Variants in PAK6 observed in about 807,000 individuals in gnomAD.
The protein encoded by PAK6 is p21 (RAC1) activated kinase 6.
In PAK6, 33 loss-of-function variants were observed where a neutral mutation model predicts 60.8. The ratio of observed to expected loss-of-function variants is 0.54; its 90% CI spans 0.41 to 0.73. The LOEUF (loss-of-function observed/expected upper bound fraction) is 0.73, where lower values mean the gene tolerates loss of function less well. Ranked by LOEUF, PAK6 falls within the 30% of genes least tolerant of loss-of-function variation. The pLI is 0.00. For synonymous variants in PAK6, 404 were observed against 378.5 expected, an observed-to-expected ratio of 1.07 and a Z score of -0.78; for missense variants, 845 against 904.1, an observed-to-expected ratio of 0.93 and a Z score of 0.84.
rs758267511 is a variant in PAK6 at position 40,252,520 on chromosome 15, G to A, written c.-117-658G>A. ...TCCCGCGCTCTGGGTTCGCCGCCGCGTCCTACCTGAGGCCACACCCTGAAA... is the reference window on the plus strand; with the variant it reads ...TCCCGCGCTCTGGGTTCGCCGCCGCATCCTACCTGAGGCCACACCCTGAAA... On this transcript the variant is annotated intron_variant, in intron 2 of 10. Transcript: ENST00000560346. 2.9e-6 allele frequency: 4 copies of A among 1,363,214 alleles called. No homozygotes were observed. In the East Asian group the frequency reaches 1.8e-4, roughly 62 times the overall value. 84.4% of individuals were successfully genotyped at this position (1,363,214 alleles called of 1,614,324 possible). A position where few individuals can be genotyped will look rare whatever the true frequency, so the allele number is the denominator to read the frequency against.
intron 4 of PAK6, 79 bp from the exon 5 acceptor site, chr15:40,265,763 C>G: frequency 7.4e-7 from 1 of 1,347,040 alleles, no homozygotes; most frequent in East Asian, 2.5e-5. Context: ...CAGGGACATT[C>G]TCTGACCCTG....
At chr15:40,275,280 G>GTTTTTTTGTTTTTTTTTTTTTTTTTT (rs2039418740) in intron 10 of PAK6, among the ~76,000 whole-genome samples, 1 of 56,486 alleles carries the variant, frequency 1.8e-5, no homozygotes, top group Non-Finnish European at 3.1e-5. Flanking sequence ...GTTGTTGTTG[G>GTTTTTTTGTTTTTTTTTTTTTTTTTT]TTTTTTTTTT....
chr15:40,272,177 C>T (rs761300263), intron 5 of PAK6, 47 bp from the exon 6 acceptor site: 1 of 1,561,406 alleles, frequency 6.4e-7, no homozygotes, highest in African/African-American at 1.4e-5. Context: ...AAGGTTATTC[C>T]AAATGCTCCC....
Position 40,253,297 on chromosome 15 carries a change from A to T in PAK6, c.-6+8A>T, listed in dbSNP as rs1302969967. 1 of 455,154 alleles carries T rather than the reference A, an allele frequency of 2.2e-6. No homozygotes were observed. Among genetic ancestry groups the T allele is most frequent in the Non-Finnish European group, 4.4e-6 (1 of 226,762 alleles). 28.2% of individuals were successfully genotyped at this position (455,154 alleles called of 1,614,324 possible). A position where few individuals can be genotyped will look rare whatever the true frequency, so the allele number is the denominator to read the frequency against. The stretch of plus-strand genomic sequence containing the variant: ...GGCGGAAGGCGCCGGAAGGTGAGTG[A>T]GCGAGCGGCCCCCGGCCCTAGAGCC... On this transcript the variant is annotated splice_region_variant and intron_variant, in intron 3 of 10. Transcript: ENST00000560346.
exon 2 of PAK6, chr15:40,240,670 G>A: frequency 2.2e-6 from 1 of 445,522 alleles, no homozygotes; most frequent in Non-Finnish European, 4.4e-6. Flanking sequence ...CTGCCCAGAA[G>A]GAGCAGCCAC....
At chr15:40,249,123 TA>T (rs2038586056) in intron 2 of PAK6, among the ~76,000 whole-genome samples, 2 of 152,166 alleles carry the variant, frequency 1.3e-5, no homozygotes, top group Non-Finnish European at 2.9e-5. Context: ...CTTTTTGCTA[TA>T]ACCTCACATG....
exon 11 of PAK6, chr15:40,276,705 G>A (rs1019429122): frequency 6.6e-6 from 1 of 152,628 alleles, no homozygotes; most frequent in African/African-American, 2.4e-5. Context: ...AAAGAATGGG[G>A]TCGGTGGTGA....
chr15:40,274,000 C>T, intron 9 of PAK6, 142 bp from the exon 10 acceptor site: 3 of 950,026 alleles, frequency 3.2e-6, no homozygotes, highest in Non-Finnish European at 4.9e-6. Flanking sequence ...GGCCACAGGG[C>T]AGGTGACCAG....
chr15:40,264,410 C>T (rs1283210320), intron 3 of PAK6: 1 of 468,118 alleles, frequency 2.1e-6, no homozygotes. Context: ...TAACTTTCCT[C>T]CCTCTTTCCC....
At chr15:40,272,162 C>A in intron 5 of PAK6, 62 bp from the exon 6 acceptor site, 1 of 1,546,104 alleles carries the variant, frequency 6.5e-7, no homozygotes, top group Non-Finnish European at 8.8e-7. Flanking sequence ...GCCCCTGCCT[C>A]CGGGAAGGTT....
Position 40,273,002 on chromosome 15 carries a change from G to A in PAK6, c.1490+3G>A. 1 of 1,613,426 alleles carries A rather than the reference G, an allele frequency of 6.2e-7. No homozygotes were observed. The highest frequency in any genetic ancestry group is 1.7e-5 in the Admixed American group (1 of 60,022). ...ACAGACATCGTCTCCCAAGTCAGGTGGGCAGCTGGGAGGGCTGGACCCTGA... is the reference window on the plus strand; with the variant it reads ...ACAGACATCGTCTCCCAAGTCAGGTAGGCAGCTGGGAGGGCTGGACCCTGA... On this transcript the variant is annotated splice_donor_region_variant and intron_variant, in intron 7 of 10. Transcript: ENST00000560346.
At chr15:40,265,190 C>T (rs2039088122) in intron 4 of PAK6, among the ~76,000 whole-genome samples, 1 of 152,210 alleles carries the variant, frequency 6.6e-6, no homozygotes. Flanking sequence ...ACCCTCTCTG[C>T]AGGGTGGTGG....
chr15:40,266,052 G>A (rs778221199), exon 5 of PAK6: 2 of 1,608,910 alleles, frequency 1.2e-6, no homozygotes, highest in Non-Finnish European at 1.7e-6. Flanking sequence ...TGAGCGCACT[G>A]ACCCCCACGG....
At chr15:40,260,207 G>T (rs193043390) in intron 3 of PAK6, 1 of 152,080 alleles carries the variant, frequency 6.6e-6, no homozygotes, top group Non-Finnish European at 1.5e-5. Flanking sequence ...GGTACCCGCC[G>T]TCACTCCCAC....
At chr15:40,274,019 G>A (rs969808104) in intron 9 of PAK6, 123 bp from the exon 10 acceptor site, 2 of 1,166,346 alleles carry the variant, frequency 1.7e-6, no homozygotes, top group African/African-American at 1.5e-5. Flanking sequence ...AGGGGAGGAA[G>A]GAGACAGACC....
intron 10 of PAK6, 110 bp downstream of exon 10, chr15:40,274,386 G>A: frequency 8.2e-7 from 1 of 1,225,136 alleles, no homozygotes; most frequent in Non-Finnish European, 1.1e-6. Context: ...CAGGGTCTGG[G>A]CTCCTGGAAA....
intron 5 of PAK6, 125 bp from the exon 6 acceptor site, chr15:40,272,099 T>C: frequency 1.9e-6 from 2 of 1,058,034 alleles, no homozygotes; most frequent in African/African-American, 1.6e-5. Flanking sequence ...ACCTCCCTAG[T>C]TTGATCTGAT....
At chr15:40,275,660 TGAGAAAACTGAGGCCTA>T (rs1259462931) in intron 10 of PAK6, among the ~76,000 whole-genome samples, 1 of 152,002 alleles carries the variant, frequency 6.6e-6, no homozygotes, top group Admixed American at 6.5e-5. Context: ...ATTTTACAGA[TGAGAAAACTGAGGCCTA>T]GAGAAAACTG....
chr15:40,274,419 A>C, intron 10 of PAK6, 143 bp downstream of exon 10: 1 of 858,636 alleles, frequency 1.2e-6, no homozygotes, highest in Non-Finnish European at 1.7e-6. Context: ...CCCCACACAA[A>C]ACCCGCACCT....
Sources: gnomAD v4.1 joint callset for allele counts (sites outside exome capture counted in the v4.1 genomes callset) on GRCh38, gnomAD v4.1.1 for gene constraint, MANE v1.5 for transcripts, NCBI Gene and HGNC (gene_info 2026-07-23, HGNC 2026-07-21) for gene names.